Variants in TRMT1 observed in about 807,000 individuals in gnomAD.
The protein encoded by TRMT1 is tRNA methyltransferase 1.
Under a neutral mutation model 75.4 loss-of-function variants are expected in TRMT1, and 63 were observed. That is an observed-to-expected ratio of 0.84 (90% CI 0.68 to 1.03). The LOEUF (loss-of-function observed/expected upper bound fraction) is 1.03, where lower values mean the gene tolerates loss of function less well. Among genes scored for constraint, TRMT1 ranks in the 50% least tolerant of loss-of-function variants. The pLI is 0.00. For missense variants in TRMT1, 870 were observed against 905.3 expected (o/e 0.96, Z 0.50); for synonymous variants, 382 against 358.1 (o/e 1.07, Z -0.75).
intron 5 of TRMT1, among the ~76,000 whole-genome samples, chr19:13,113,743 G>C (rs2019229289): frequency 6.6e-6 from 1 of 151,766 alleles, no homozygotes; most frequent in South Asian, 2.1e-4. Flanking sequence ...CCAAGTAGCT[G>C]GGATTACAGG....
In TRMT1 at chr19:13,109,390, A is replaced by C. The variant is rs570842621; in HGVS notation, c.1388T>G (p.Leu463Arg). Residue 463 changes from leucine to arginine, a missense_variant, in exon 12 of 17, where the codon CTG (leucine) becomes CGG (arginine). Physicochemically the swap from Leu to Arg is moderately radical, Grantham distance 102 (BLOSUM62 -2). Transcript: ENST00000357720. ...CCCCAGGGGCTCTTACCGCAACTGCAGGAGGCTTGGTGTGTTGCAGTGGAT... is the reference window on the plus strand; with the variant it reads ...CCCCAGGGGCTCTTACCGCAACTGCCGGAGGCTTGGTGTGTTGCAGTGGAT... Reference protein sequence around the residue: ...STIHCNTPSLLQLRSALLHAD... With the variant: ...STIHCNTPSLRQLRSALLHAD... 1.2e-6 allele frequency: 2 copies of C among 1,612,706 alleles called. No homozygotes were observed. The highest frequency in any genetic ancestry group is 4.5e-5 in the East Asian group (2 of 44,866).
Position 13,116,335 on chromosome 19 carries a change from C to T in TRMT1, c.65G>A (p.Arg22Gln). The change falls in exon 2 of 17, where the codon CGG (arginine) becomes CAG (glutamine). Residue 22 changes from arginine (R) to glutamine (Q), a missense_variant. By Grantham distance (43) the Arg-to-Gln change is conservative (BLOSUM62 1). Coordinates refer to ENST00000357720, the MANE Select transcript of TRMT1 (RefSeq NM_001136035.4). The part of the protein sequence containing the change: ...FRSARVLSRA[R>Q]FFEWQSPGLP... ...CCCTGGAGACTGCCACTCGAAAAAC[C>T]GGGCTCTAGAGAGCACCCGGGCGGA... is the stretch of plus-strand genomic sequence containing the variant. 2 of 1,613,798 alleles carry T rather than the reference C, an allele frequency of 1.2e-6. No individual in the cohort carries two copies. The highest frequency in any genetic ancestry group is 1.7e-6 in the Non-Finnish European group (2 of 1,180,018).
Position 13,107,641 on chromosome 19 carries a change from A to G in TRMT1, c.1516T>C (p.Cys506Arg). 4 of 1,606,910 alleles carry G rather than the reference A, an allele frequency of 2.5e-6. No individual in the cohort carries two copies. Among genetic ancestry groups the G allele is most frequent in the Admixed American group, 1.7e-5 (1 of 59,448 alleles). The stretch of plus-strand genomic sequence containing the variant: ...GATAGTCGCTCCCGTTTCACCGGAC[A>G]TTCCTTCTCCTGGGGGCAGAGGTCA... ...WDIMRCWEKE[C>R]PVKRERLSET... The change falls in exon 14 of 17, where the codon TGT (cysteine) becomes CGT (arginine). Residue 506 changes from cysteine to arginine, a missense_variant. By Grantham distance (180) the Cys-to-Arg change is radical (BLOSUM62 -3). Transcript: ENST00000357720.
Position 13,107,857 on chromosome 19 carries a change from G to C in TRMT1, c.1400C>G (p.Ser467Trp). Residue 467 changes from serine to tryptophan, a missense_variant and splice_region_variant, in exon 13 of 17, where the codon TCG becomes TGG. Physicochemically the swap from Ser to Trp is radical, Grantham distance 177. Coordinates refer to ENST00000357720, the MANE Select transcript of TRMT1 (RefSeq NM_001136035.4). The stretch of plus-strand genomic sequence containing the variant: ...CCGGAAGTCAGCGTGGAGGAGGGCC[G>C]ACCTGGGGAACAGCAGGGATTATGA... ...CNTPSLLQLR[S>W]ALLHADFRVS... is the part of the protein sequence containing the mutation. The C allele has an allele frequency of 6.4e-7, 1 of 1,551,462 alleles. No homozygotes were observed. The highest frequency in any genetic ancestry group is 1.2e-5 in the South Asian group (1 of 84,016).
intron 8 of TRMT1, 42 bp from the exon 9 acceptor site, chr19:13,110,043 C>T (rs367623868): frequency 8.7e-6 from 14 of 1,612,294 alleles, no homozygotes; most frequent in East Asian, 6.7e-5. Context: ...AGCGTGACCA[C>T]GACACCCCAA....
At position 13,105,357 on chromosome 19, in the gene TRMT1, C is replaced by T. The variant is rs937026818; in HGVS notation, c.1743G>A (p.Arg581=). ...AADEAMEERR[R]LLQNKRKEPP... ...GCTCCTTCCGCTTGTTCTGAAGCAG[C>T]CTGCGTCTCTCCTCCATAGCTTCGT... Residue 581 remains arginine, a synonymous_variant, in exon 16 of 17, where the codon AGG becomes AGA. Coordinates refer to ENST00000357720, the MANE Select transcript of TRMT1 (RefSeq NM_001136035.4). 1 of 1,613,922 alleles carries T rather than the reference C, an allele frequency of 6.2e-7. No individual in the cohort carries two copies. Among genetic ancestry groups the T allele is most frequent in the Non-Finnish European group, 8.5e-7 (1 of 1,180,022 alleles).
chr19:13,116,230 A>G lies in TRMT1; in HGVS notation c.170T>C (p.Val57Ala), dbSNP rs748103642. The G allele has an allele frequency of 6.2e-7, 1 of 1,614,172 alleles. No individual in the cohort carries two copies. The highest frequency in any genetic ancestry group is 1.1e-5 in the South Asian group (1 of 91,084). ...GGCGATTTTGGCAGCCCCCTCGGTG[A>G]CTGTCGTCTCCTGGACTTCACGTGG... ...ERPREVQETT[V>A]TEGAAKIAFP... Residue 57 changes from valine to alanine, a missense_variant, in exon 2 of 17, where the codon GTC becomes GCC. Physicochemically the swap from Val to Ala is moderately conservative, Grantham distance 64. Transcript: ENST00000357720.
At chr19:13,116,510 G>C (rs903182240) in intron 1 of TRMT1, 79 bp from the exon 2 acceptor site, 1 of 1,421,366 alleles carries the variant, frequency 7.0e-7, no homozygotes, top group Non-Finnish European at 9.4e-7. Context: ...ACATATCTAT[G>C]AGGTAGGGAC....
intron 7 of TRMT1, 97 bp from the exon 8 acceptor site, chr19:13,110,403 T>G: frequency 7.2e-7 from 1 of 1,380,156 alleles, no homozygotes; most frequent in Non-Finnish European, 9.6e-7. Context: ...CAGGGCCAGC[T>G]CCCTGGGATC....
intron 8 of TRMT1, 43 bp downstream of exon 8, chr19:13,110,115 T>G (rs750228827): frequency 6.2e-7 from 1 of 1,609,424 alleles, no homozygotes; most frequent in East Asian, 2.2e-5. Context: ...CAAGGTCCTG[T>G]CTCCTCTCTC....
intron 7 of TRMT1, among the ~76,000 whole-genome samples, chr19:13,110,822 C>A (rs1237011158): frequency 6.6e-6 from 1 of 152,126 alleles, no homozygotes; most frequent in East Asian, 1.9e-4. Flanking sequence ...TGGTGGCGGG[C>A]GCCTGTAATC....
chr19:13,105,452 T>A, intron 15 of TRMT1, 35 bp downstream of exon 15: 1 of 1,613,894 alleles, frequency 6.2e-7, no homozygotes, highest in Non-Finnish European at 8.5e-7. Flanking sequence ...CTTCTTTCCC[T>A]GGCTGAGCCC....
chr19:13,113,613 T>C (rs780446908), intron 5 of TRMT1, among the ~76,000 whole-genome samples: 1 of 151,936 alleles, frequency 6.6e-6, no homozygotes, highest in Admixed American at 6.6e-5. Flanking sequence ...ACACATTTTT[T>C]TTTTCCTTTC....
At chr19:13,115,811 C>T in intron 3 of TRMT1, 43 bp from the exon 4 acceptor site, 1 of 1,612,252 alleles carries the variant, frequency 6.2e-7, no homozygotes. Flanking sequence ...AACAAGGTCC[C>T]CTCTGAGAAA....
At chr19:13,107,448 A>G (rs764796898) in intron 14 of TRMT1, 126 bp downstream of exon 14, 15 of 1,193,516 alleles carry the variant, frequency 1.3e-5, no homozygotes, top group Non-Finnish European at 1.8e-5. Context: ...CCCAGTCAGC[A>G]GATTTTGAAT....
In TRMT1 at chr19:13,104,911, G is replaced by C. The variant is rs761141515; in HGVS notation, c.*24C>G. The C allele has an allele frequency of 1.9e-6, 3 of 1,613,878 alleles. No homozygotes were observed. Among genetic ancestry groups the C allele is most frequent in the South Asian group, 1.1e-5 (1 of 91,084 alleles). On this transcript the variant is annotated 3_prime_UTR_variant, in exon 17 of 17. Coordinates refer to ENST00000357720, the MANE Select transcript of TRMT1 (RefSeq NM_001136035.4). ...ACAAACCACAGGCAATCGGGAGAAG[G>C]TGACGTGACATCTCTTTATTGGTTC... is the stretch of plus-strand genomic sequence containing the variant.
At chr19:13,113,187 T>C (rs1441571672) in intron 5 of TRMT1, among the ~76,000 whole-genome samples, 176 bp from the exon 6 acceptor site, 5 of 152,042 alleles carry the variant, frequency 3.3e-5, no homozygotes, top group South Asian at 2.1e-4. Context: ...TGAGTCGGAG[T>C]CTTGCTCTGT....
intron 8 of TRMT1, 54 bp from the exon 9 acceptor site, chr19:13,110,055 T>G (rs1276881772): frequency 6.2e-7 from 1 of 1,612,236 alleles, no homozygotes; most frequent in Non-Finnish European, 8.5e-7. Flanking sequence ...ACACCCCAAC[T>G]CCTCCCTTAG....
In TRMT1 at chr19:13,107,879, A is replaced by T; in HGVS notation, c.1398-20T>A. ...GCCGACCTGGGGAACAGCAGGGATT[A>T]TGAGGGAGATGCCGGACTCCTTGAC... On this transcript the variant is annotated intron_variant, in intron 12 of 16. Coordinates refer to ENST00000357720, the MANE Select transcript of TRMT1 (RefSeq NM_001136035.4). 6.5e-7 allele frequency: 1 copy of T among 1,543,826 alleles called. No individual in the cohort carries two copies. Among genetic ancestry groups the T allele is most frequent in the Non-Finnish European group, 8.8e-7 (1 of 1,141,408 alleles).
Sources: allele counts gnomAD v4.1 joint callset (sites outside exome capture counted in the v4.1 genomes callset), GRCh38; gene constraint gnomAD v4.1.1; transcripts MANE v1.5; gene names NCBI Gene and HGNC (gene_info 2026-07-23, HGNC 2026-07-21).